Variants in SNAP25 observed in about 807,000 individuals in gnomAD.
SNAP25 encodes the protein synaptosomal-associated protein 25.
In SNAP25, 3 loss-of-function variants were observed where a neutral mutation model predicts 28.7. That is an observed-to-expected ratio of 0.10 (90% CI 0.05 to 0.27). The LOEUF (loss-of-function observed/expected upper bound fraction) is 0.27, where lower values mean the gene tolerates loss of function less well. Ranked by LOEUF, SNAP25 falls within the 10% of genes least tolerant of loss-of-function variation. The pLI, the probability that SNAP25 is intolerant of heterozygous loss-of-function variation, is 1.00. For synonymous variants in SNAP25, 61 were observed against 88.1 expected (o/e 0.69, Z 1.72); for missense variants, 117 against 278.7 (o/e 0.42, Z 4.13).
At chr20:10,287,443 T>C (rs1431781883) in intron 4 of SNAP25, among the ~76,000 whole-genome samples, 1 of 151,026 alleles carries the variant, frequency 6.6e-6, no homozygotes, top group Non-Finnish European at 1.5e-5. Flanking sequence ...GAAATGCAAA[T>C]CAAAACCACA....
intron 1 of SNAP25, among the ~76,000 whole-genome samples, chr20:10,232,597 T>A (rs894992929): frequency 4.6e-5 from 7 of 152,198 alleles, no homozygotes; most frequent in African/African-American, 1.4e-4. Flanking sequence ...GGATATTCCC[T>A]CCACGTTACA....
At chr20:10,248,456 T>C (rs2063168152) in intron 1 of SNAP25, among the ~76,000 whole-genome samples, 1 of 152,228 alleles carries the variant, frequency 6.6e-6, no homozygotes, top group Admixed American at 6.5e-5. Context: ...GCAATAATTA[T>C]GAATAATTAT....
intron 1 of SNAP25, among the ~76,000 whole-genome samples, chr20:10,249,230 C>G (rs1288857120): frequency 1.3e-5 from 2 of 152,186 alleles, no homozygotes; most frequent in Non-Finnish European, 2.9e-5. Context: ...TGCAGCCACG[C>G]ATTTGTTTGC....
intron 3 of SNAP25, among the ~76,000 whole-genome samples, chr20:10,282,140 GA>G (rs2063787860): frequency 7.5e-6 from 1 of 134,064 alleles, no homozygotes; most frequent in African/African-American, 3.0e-5. Context: ...CACTAGGAAG[GA>G]AGGAGGGAAG....
rs141820567 is a variant in SNAP25, at chr20:10,289,397, T to C, written c.164-3764T>C. On this transcript the variant is annotated intron_variant, in intron 4 of 7. Coordinates refer to ENST00000254976, the MANE Select transcript of SNAP25 (RefSeq NM_130811.4). ...GCTGAAGATGTGACTTTTGGGAAAA[T>C]CTCCTGGGATCAGCTCCAAACTAAA... 2.0e-3 allele frequency among the ~76,000 whole-genome samples: 310 copies of C among 152,104 alleles called. 1 individual carries two copies. The highest frequency in any genetic ancestry group is 6.9e-3 in the African/African-American group (288 of 41,470).
At chr20:10,286,201 C>A (rs1230129277) in intron 4 of SNAP25, among the ~76,000 whole-genome samples, 1 of 152,136 alleles carries the variant, frequency 6.6e-6, no homozygotes, top group East Asian at 1.9e-4. Context: ...TGTTCTGCCA[C>A]CAATATAATA....
chr20:10,283,577 T>A (rs538533583), intron 3 of SNAP25, among the ~76,000 whole-genome samples: 24 of 152,304 alleles, frequency 1.6e-4, no homozygotes, highest in Admixed American at 9.1e-4. Context: ...ACAGAAATCA[T>A]TTTCAGCATT....
intron 1 of SNAP25, among the ~76,000 whole-genome samples, chr20:10,261,708 G>T (rs363061): frequency 0.016 from 2,389 of 152,212 alleles, 66 homozygotes; most frequent in African/African-American, 0.054. Context: ...TAAAATCAAT[G>T]ATTTTAAAAA....
Position 10,306,307 on chromosome 20 carries a change from C to A in SNAP25, c.*110C>A, listed in dbSNP as rs978613917. 1.1e-5 allele frequency: 10 copies of A among 927,082 alleles called. No individual in the cohort carries two copies. The highest frequency in any genetic ancestry group is 8.2e-5 in the Admixed American group (4 of 48,758). The allele number at this position is 927,082 out of a possible 1,614,324, so 57.4% of individuals were successfully genotyped here. On this transcript the variant is annotated 3_prime_UTR_variant, in exon 8 of 8. Transcript: ENST00000254976. ...GCACACATAACACACATCAGTCCAC[C>A]CCCATTGTGAATGTTGTCCTGTGTC...
intron 1 of SNAP25, among the ~76,000 whole-genome samples, chr20:10,253,430 C>T (rs934414142): frequency 2.6e-5 from 4 of 152,106 alleles, no homozygotes; most frequent in Non-Finnish European, 4.4e-5. Context: ...GGCTACTTAC[C>T]GAACCCCTCT....
Position 10,239,910 on chromosome 20 carries a change from C to T in SNAP25, c.-64+20933C>T, listed in dbSNP as rs556779780. 1.2e-4 allele frequency among the ~76,000 whole-genome samples: 19 copies of T among 152,256 alleles called. No individual in the cohort carries two copies. The East Asian group carries it at 3.3e-3, about 26-fold the overall frequency. Reference sequence around the variant, plus strand: ...AACCTACAGGGGCCTTTCTGGAACCCGGGTGTATTCATTAGCTATTGCTCT... The same window carrying T: ...AACCTACAGGGGCCTTTCTGGAACCTGGGTGTATTCATTAGCTATTGCTCT... On this transcript the variant is annotated intron_variant, in intron 1 of 7. Transcript: ENST00000254976.
rs1371413776 is a variant in SNAP25, at chr20:10,306,245, C to T, written c.*48C>T. 1.9e-6 allele frequency: 3 copies of T among 1,553,570 alleles called. No individual in the cohort carries two copies. The Admixed American group carries it at 5.0e-5, about 26-fold the overall frequency. The stretch of plus-strand genomic sequence containing the variant: ...CCAAATGCTGTCGGGCAAGATAGCT[C>T]CTTCATGCTTTTCTCATGGTATTAT... On this transcript the variant is annotated 3_prime_UTR_variant, in exon 8 of 8. Coordinates refer to ENST00000254976, the MANE Select transcript of SNAP25 (RefSeq NM_130811.4).
chr20:10,230,075 C>T (rs1187129275), intron 1 of SNAP25, among the ~76,000 whole-genome samples: 2 of 152,090 alleles, frequency 1.3e-5, no homozygotes, highest in African/African-American at 4.8e-5. Flanking sequence ...CTCTCCTTTT[C>T]CCACCCATAC....
chr20:10,231,519 G>A (rs1029064310), intron 1 of SNAP25: 1 of 152,170 alleles, frequency 6.6e-6, no homozygotes, highest in Admixed American at 6.6e-5. Flanking sequence ...TTTTCTCTCT[G>A]GTGCAGGTCC....
chr20:10,253,703 A>C (rs1321582621), intron 1 of SNAP25, among the ~76,000 whole-genome samples: 3 of 152,166 alleles, frequency 2.0e-5, no homozygotes, highest in African/African-American at 7.2e-5. Context: ...TATATGCAGG[A>C]CAATTCCCCT....
intron 4 of SNAP25, among the ~76,000 whole-genome samples, chr20:10,290,744 C>T (rs1833525457): frequency 6.6e-6 from 1 of 152,126 alleles, no homozygotes; most frequent in Non-Finnish European, 1.5e-5. Flanking sequence ...ATAATCTATG[C>T]TTATTTCAGC....
intron 1 of SNAP25, among the ~76,000 whole-genome samples, chr20:10,221,723 A>G (rs1021922810): frequency 6.6e-6 from 1 of 152,258 alleles, no homozygotes; most frequent in Admixed American, 6.5e-5. Flanking sequence ...CTACCCGTTA[A>G]TTAGCTTGTC....
intron 3 of SNAP25, among the ~76,000 whole-genome samples, chr20:10,278,673 T>C (rs1427724003): frequency 6.6e-6 from 1 of 152,084 alleles, no homozygotes; most frequent in African/African-American, 2.4e-5. Flanking sequence ...AATGATTAAA[T>C]GAGCCTACTC....
chr20:10,283,452 A>G (rs1221995025), intron 3 of SNAP25, among the ~76,000 whole-genome samples: 1 of 152,166 alleles, frequency 6.6e-6, no homozygotes, highest in Non-Finnish European at 1.5e-5. Context: ...TGTCCATACT[A>G]CATCCTGACT....
Sources: gnomAD v4.1 joint callset for allele counts (sites outside exome capture counted in the v4.1 genomes callset) on GRCh38, gnomAD v4.1.1 for gene constraint, MANE v1.5 for transcripts, NCBI Gene and HGNC (gene_info 2026-07-23, HGNC 2026-07-21) for gene names.